Variants in NHSL2 observed in about 807,000 individuals in gnomAD.
NHSL2 encodes the protein NHS-like protein 2.
Under a neutral mutation model 53.4 loss-of-function variants are expected in NHSL2, and 27 were observed. The ratio of observed to expected loss-of-function variants is 0.51; its 90% CI spans 0.37 to 0.70. The LOEUF is 0.70. NHSL2 is among the 30% of genes least tolerant of loss of function. The pLI is 0.00. For missense variants in NHSL2, 892 were observed against 980.1 expected, an observed-to-expected ratio of 0.91 and a Z score of 1.20; for synonymous variants, 408 against 404.1, an observed-to-expected ratio of 1.01 and a Z score of -0.12.
chrX:72,015,717 T>C (rs1444577641), intron 1 of NHSL2, among the ~76,000 whole-genome samples: 2 of 112,387 alleles, frequency 1.8e-5, no homozygotes. Flanking sequence ...GTGGTTGTTA[T>C]CATTTGCCTT....
chrX:72,129,208 T>C (rs1199983029), intron 1 of NHSL2: 3 of 113,508 alleles, frequency 2.6e-5, no homozygotes, highest in African/African-American at 9.6e-5. Flanking sequence ...CCATTTGACA[T>C]GTGGCTTTGC....
intron 1 of NHSL2, among the ~76,000 whole-genome samples, chrX:71,925,316 T>A (rs1244561169): frequency 8.9e-6 from 1 of 111,783 alleles, no homozygotes; most frequent in Non-Finnish European, 1.9e-5. Flanking sequence ...TCAAGGGTTG[T>A]ATTTTATTCC....
rs68122154 is a variant in NHSL2 at position 72,021,060 on chromosome X, TACACACACACACACACAC to T, written c.280+109705_280+109722del. Among the ~76,000 whole-genome samples the T allele has an allele frequency of 5.0e-3, 536 of 106,825 alleles. 3 individuals carry two copies. Among genetic ancestry groups the T allele is most frequent in the African/African-American group, 0.018 (508 of 28,768 alleles). 92.8% of individuals were successfully genotyped at this position (106,825 alleles called of 115,157 possible). On this transcript the variant is annotated intron_variant, in intron 1 of 7. Transcript: ENST00000633930. ...GTGTACACACACACACGCGTGCGCA[TACACACACACACACACAC>T]ACACACACACAAATATTGAGGACTA... is the stretch of plus-strand genomic sequence containing the variant.
At chrX:71,951,823 C>T (rs952500850) in intron 1 of NHSL2, among the ~76,000 whole-genome samples, 1 of 112,409 alleles carries the variant, frequency 8.9e-6, no homozygotes, top group African/African-American at 3.2e-5. Flanking sequence ...TACAGCCAGT[C>T]AGCCCTGTGG....
At chrX:72,079,666 T>G (rs769119583) in intron 1 of NHSL2, 1 of 112,488 alleles carries the variant, frequency 8.9e-6, no homozygotes, top group East Asian at 2.8e-4. Context: ...GAAGAGAGAC[T>G]TGCAAAAAAC....
intron 1 of NHSL2, among the ~76,000 whole-genome samples, chrX:72,058,018 C>T (rs953703970): frequency 1.8e-5 from 2 of 112,407 alleles, no homozygotes; most frequent in Non-Finnish European, 3.8e-5. Context: ...ACACAGAAAG[C>T]ACTTCTGCTG....
intron 1 of NHSL2, chrX:72,129,034 A>C (rs2042255847): frequency 2.7e-5 from 3 of 112,903 alleles, no homozygotes; most frequent in African/African-American, 6.4e-5. Context: ...GGCGCTGTCC[A>C]CCGGGGGTGC....
chrX:72,082,107 C>G (rs962074833), intron 1 of NHSL2, among the ~76,000 whole-genome samples: 6 of 111,924 alleles, frequency 5.4e-5, no homozygotes, highest in Non-Finnish European at 1.1e-4. Context: ...TCTGCATATA[C>G]TTGAAAGACT....
At chrX:72,048,945 C>A (rs2042320799) in intron 1 of NHSL2, among the ~76,000 whole-genome samples, 1 of 100,078 alleles carries the variant, frequency 1.0e-5, no homozygotes, top group African/African-American at 4.1e-5. Flanking sequence ...GTTATGCTTG[C>A]CCCTGTCTGT....
chrX:72,085,534 A>G (rs2041831509), intron 1 of NHSL2, among the ~76,000 whole-genome samples: 1 of 111,236 alleles, frequency 9.0e-6, no homozygotes, highest in Admixed American at 9.6e-5. Context: ...GAAAACTGGG[A>G]TCAAAATCCA....
At chrX:71,973,128 A>G (rs986687951) in intron 1 of NHSL2, among the ~76,000 whole-genome samples, 5 of 111,589 alleles carry the variant, frequency 4.5e-5, no homozygotes, top group African/African-American at 1.6e-4. Flanking sequence ...GTGATTTGTC[A>G]CAGGTTGTGA....
Position 71,980,644 on chromosome X carries a change from G to A in NHSL2, c.280+69277G>A, listed in dbSNP as rs765115086. On this transcript the variant is annotated intron_variant, in intron 1 of 7. Coordinates refer to ENST00000633930, the MANE Select transcript of NHSL2 (RefSeq NM_001013627.3). ...ATATGTGCATAAGGATAAGTTGAAAGAGTCAATGAACAGAATGAAGCCTAC... is the reference window on the plus strand; with the variant it reads ...ATATGTGCATAAGGATAAGTTGAAAAAGTCAATGAACAGAATGAAGCCTAC... Among the ~76,000 whole-genome samples, 12 of 109,152 alleles carry A rather than the reference G, an allele frequency of 1.1e-4. No homozygotes were observed. The South Asian group carries it at 4.8e-3, about 44-fold the overall frequency. 94.8% of individuals were successfully genotyped at this position (109,152 alleles called of 115,157 possible). A position where few individuals can be genotyped will look rare whatever the true frequency, so the allele number is the denominator to read the frequency against.
intron 1 of NHSL2, among the ~76,000 whole-genome samples, chrX:71,987,146 G>A (rs1156373402): frequency 8.9e-6 from 1 of 111,853 alleles, no homozygotes; most frequent in African/African-American, 3.3e-5. Flanking sequence ...AAGAGGTGGA[G>A]CTTGCAGTGA....
chrX:71,980,577 T>A (rs1196791262), intron 1 of NHSL2, among the ~76,000 whole-genome samples: 1 of 5,525 alleles, frequency 1.8e-4, no homozygotes, highest in Admixed American at 4.8e-3. Context: ...GGGGTGTGTG[T>A]GTGTGTGTGT....
At chrX:71,938,743 C>T (rs978685948) in intron 1 of NHSL2, among the ~76,000 whole-genome samples, 1 of 112,988 alleles carries the variant, frequency 8.9e-6, no homozygotes, top group Admixed American at 9.3e-5. Context: ...TGCACTGGCT[C>T]TTGGCCCCAC....
Position 72,140,131 on chromosome X carries a change from C to G in NHSL2, c.2583C>G (p.Thr861=). ...AEEPRAEEVF[T]LPERKTKPPV... ...AACCCAGAGCAGAAGAAGTCTTCAC[C>G]TTGCCAGAGAGAAAGACAAAACCTC... The change falls in exon 6 of 8, where the codon ACC becomes ACG. Residue 861 remains threonine, a synonymous_variant. Transcript: ENST00000633930. 1.7e-6 allele frequency: 2 copies of G among 1,210,870 alleles called. No homozygotes were observed. Among genetic ancestry groups the G allele is most frequent in the South Asian group, 1.8e-5 (1 of 56,815 alleles).
Position 71,990,525 on chromosome X carries a change from TAC to T in NHSL2, c.280+79171_280+79172del, listed in dbSNP as rs758072888. The stretch of plus-strand genomic sequence containing the variant: ...TCCTTCACCCGTGGGCCACCCCTTC[TAC>T]ACACACACACACCCATACCCAAGAC... On this transcript the variant is annotated intron_variant, in intron 1 of 7. Transcript: ENST00000633930. Among the ~76,000 whole-genome samples the T allele has an allele frequency of 3.6e-5, 4 of 110,091 alleles. No homozygotes were observed. The Admixed American group carries it at 3.9e-4, about 11-fold the overall frequency.
intron 1 of NHSL2, among the ~76,000 whole-genome samples, chrX:71,989,727 C>T (rs1342999909): frequency 8.9e-6 from 1 of 112,595 alleles, no homozygotes; most frequent in East Asian, 2.8e-4. Flanking sequence ...AATGCTGCAG[C>T]CTCTTCCCAG....
At position 72,149,257 on chromosome X, in the gene NHSL2, T is replaced by C. The variant is rs976257229; in HGVS notation, c.*5683T>C. On this transcript the variant is annotated 3_prime_UTR_variant, in exon 8 of 8. Coordinates refer to ENST00000633930, the MANE Select transcript of NHSL2 (RefSeq NM_001013627.3). Reference sequence around the variant, plus strand: ...ACAAATGGAAAAAAGGGAAAGGTGTTAAGTTTGTTTGGTATTGCCAGCTCT... The same window carrying C: ...ACAAATGGAAAAAAGGGAAAGGTGTCAAGTTTGTTTGGTATTGCCAGCTCT... 5 of 111,039 alleles carry C rather than the reference T, an allele frequency of 4.5e-5. No individual in the cohort carries two copies. The highest frequency in any genetic ancestry group is 9.4e-5 in the Non-Finnish European group (5 of 53,002). The allele number at this position is 111,039 out of a possible 1,213,427, so 9.2% of individuals were successfully genotyped here.
Sources: gnomAD v4.1 joint callset for allele counts (sites outside exome capture counted in the v4.1 genomes callset) on GRCh38, gnomAD v4.1.1 for gene constraint, MANE v1.5 for transcripts, NCBI Gene and HGNC (gene_info 2026-07-23, HGNC 2026-07-21) for gene names.